The following CCL13 variants were observed in gnomAD, a reference collection of about 807,000 sequenced individuals.
The protein encoded by CCL13 is C-C motif chemokine 13.
A neutral mutation model predicts 6.6 loss-of-function variants in CCL13; 5 were observed. The ratio of observed to expected loss-of-function variants is 0.76; its 90% CI spans 0.40 to 1.60. The LOEUF (loss-of-function observed/expected upper bound fraction) is 1.60. Ranked by LOEUF, CCL13 falls within the 40% of genes most tolerant of loss-of-function variation. CCL13 has a pLI of 0.02. For synonymous variants in CCL13, 39 were observed against 43.0 expected, an observed-to-expected ratio of 0.91 and a Z score of 0.37; for missense variants, 117 against 114.2, an observed-to-expected ratio of 1.02 and a Z score of -0.11.
chr17:34,357,383 G>T (rs1008787699), intron 1 of CCL13, 92 bp from the exon 2 acceptor site: 4 of 811,906 alleles, frequency 4.9e-6, no homozygotes, highest in African/African-American at 1.7e-5. Context: ...CTTCCTCTTT[G>T]CTTTGCATCC....
Position 34,358,121 on chromosome 17 carries a change from T to C in CCL13, c.287T>C (p.Leu96Pro). The change falls in exon 3 of 3, where the codon CTG (leucine) becomes CCG (proline). Residue 96 changes from leucine to proline, a missense_variant. Coordinates refer to ENST00000225844, the MANE Select transcript of CCL13 (RefSeq NM_005408.3). The part of the protein sequence containing the change: ...MKHLGRKAHT[L>P]KT ...CACCTGGGCCGGAAAGCTCACACCC[T>C]GAAGACTTGAACTCTGCTACCCCTA... is the stretch of plus-strand genomic sequence containing the variant. 1 of 1,612,152 alleles carries C rather than the reference T, an allele frequency of 6.2e-7. No homozygotes were observed.
chr17:34,357,305 C>T (rs1910373110), intron 1 of CCL13, among the ~76,000 whole-genome samples, 170 bp from the exon 2 acceptor site: 1 of 152,172 alleles, frequency 6.6e-6, no homozygotes, highest in Non-Finnish European at 1.5e-5. Context: ...AGGCACATGT[C>T]ACAGGTCCCA....
Position 34,358,396 on chromosome 17 carries a change from C to G in CCL13, c.*265C>G. 1 of 427,942 alleles carries G rather than the reference C, an allele frequency of 2.3e-6. No homozygotes were observed. The highest frequency in any genetic ancestry group is 4.2e-6 in the Non-Finnish European group (1 of 237,216). 26.5% of individuals were successfully genotyped at this position (427,942 alleles called of 1,614,324 possible). A position where few individuals can be genotyped will look rare whatever the true frequency, so the allele number is the denominator to read the frequency against. ...GGTTGCTGTCTCTAAGCCCCCTTCC[C>G]TTCCACTATGAGCTGCTGGCAGTGG... is the stretch of plus-strand genomic sequence containing the variant. On this transcript the variant is annotated 3_prime_UTR_variant, in exon 3 of 3. Transcript: ENST00000225844.
In CCL13 at chr17:34,356,736, G is replaced by A. The variant is rs1910359217; in HGVS notation, c.76+134G>A. The A allele has an allele frequency of 3.4e-6, 2 of 589,122 alleles. 1 individual carries two copies. Among genetic ancestry groups the A allele is most frequent in the South Asian group, 4.4e-5 (2 of 45,094 alleles). The allele number at this position is 589,122 out of a possible 1,614,324, so 36.5% of individuals were successfully genotyped here. On this transcript the variant is annotated intron_variant, in intron 1 of 2. Coordinates refer to ENST00000225844, the MANE Select transcript of CCL13 (RefSeq NM_005408.3). Reference sequence around the variant, plus strand: ...GTTGCCCAGGCTGAAGTGCAGGGGTGCGATCTTGGCTCATTGCAACCTTCA... The same window carrying A: ...GTTGCCCAGGCTGAAGTGCAGGGGTACGATCTTGGCTCATTGCAACCTTCA...
In CCL13 at chr17:34,358,282, A is replaced by G. The variant is rs1910408018; in HGVS notation, c.*151A>G. ...GTGATTCAAAATGTACTATGTGTTAAGTAATATTGGCTATTATTTGACTTG... is the reference window on the plus strand; with the variant it reads ...GTGATTCAAAATGTACTATGTGTTAGGTAATATTGGCTATTATTTGACTTG... On this transcript the variant is annotated 3_prime_UTR_variant, in exon 3 of 3. Coordinates refer to ENST00000225844, the MANE Select transcript of CCL13 (RefSeq NM_005408.3). 1 of 652,410 alleles carries G rather than the reference A, an allele frequency of 1.5e-6. No homozygotes were observed. Among genetic ancestry groups the G allele is most frequent in the East Asian group, 2.8e-5 (1 of 35,754 alleles). 40.4% of individuals were successfully genotyped at this position (652,410 alleles called of 1,614,324 possible).
intron 1 of CCL13, 48 bp downstream of exon 1, chr17:34,356,650 A>G (rs921500532): frequency 7.2e-7 from 1 of 1,386,474 alleles, no homozygotes; most frequent in African/African-American, 1.4e-5. Context: ...CTGTTTCTCT[A>G]TTCAAGGAAG....
intron 2 of CCL13, 68 bp downstream of exon 2, chr17:34,357,657 C>T (rs1287900919): frequency 2.1e-6 from 2 of 935,496 alleles, no homozygotes; most frequent in Non-Finnish European, 3.5e-6. Flanking sequence ...AAAGTTCTGC[C>T]CCAGGAGACA....
At chr17:34,357,624 C>T in intron 2 of CCL13, 35 bp downstream of exon 2, 2 of 1,255,158 alleles carry the variant, frequency 1.6e-6, no homozygotes, top group Non-Finnish European at 2.3e-6. Context: ...CTGGCTCCTC[C>T]CCACTCCCAC....
Position 34,358,541 on chromosome 17 carries a change from G to A in CCL13, c.*410G>A, listed in dbSNP as rs929639588. ...GTGAGGTGTTGCTAAATATGTTATT[G>A]TGGAAAGATGAATGCAATAGTAGGA... On this transcript the variant is annotated 3_prime_UTR_variant, in exon 3 of 3. Coordinates refer to ENST00000225844, the MANE Select transcript of CCL13 (RefSeq NM_005408.3). The A allele has an allele frequency of 4.5e-5, 11 of 242,432 alleles. No individual in the cohort carries two copies. The highest frequency in any genetic ancestry group is 7.9e-5 in the Non-Finnish European group (10 of 125,924). The allele number at this position is 242,432 out of a possible 1,614,324, so 15.0% of individuals were successfully genotyped here. A position where few individuals can be genotyped will look rare whatever the true frequency, so the allele number is the denominator to read the frequency against.
rs369147614 is a variant in CCL13 at position 34,357,488 on chromosome 17, C to G, written c.90C>G (p.Val30=). ...QGLAQPDALN[V]PSTCCFTFSS... ...AACTATTTCTAGATGCACTCAACGT[C>G]CCATCTACTTGCTGCTTCACATTTA... Residue 30 remains valine (V), a synonymous_variant, in exon 2 of 3, where the codon GTC becomes GTG. Coordinates refer to ENST00000225844, the MANE Select transcript of CCL13 (RefSeq NM_005408.3). 6 of 1,610,140 alleles carry G rather than the reference C, an allele frequency of 3.7e-6. No individual in the cohort carries two copies. In the African/African-American group the frequency reaches 6.7e-5, roughly 18 times the overall value.
chr17:34,358,335 T>C lies in CCL13; in HGVS notation c.*204T>C, dbSNP rs993955380. 5.3e-6 allele frequency: 3 copies of C among 564,812 alleles called. No individual in the cohort carries two copies. The African/African-American group carries it at 5.7e-5, about 11-fold the overall frequency. 35.0% of individuals were successfully genotyped at this position (564,812 alleles called of 1,614,324 possible). ...GCTGGTTTGGAGTTTATTTGAGTATTGCTGATCTTTTCTAAAGCAAGGCCT... is the reference window on the plus strand; with the variant it reads ...GCTGGTTTGGAGTTTATTTGAGTATCGCTGATCTTTTCTAAAGCAAGGCCT... On this transcript the variant is annotated 3_prime_UTR_variant, in exon 3 of 3. Coordinates refer to ENST00000225844, the MANE Select transcript of CCL13 (RefSeq NM_005408.3).
At chr17:34,357,439 C>T in intron 1 of CCL13, 36 bp from the exon 2 acceptor site, 1 of 1,389,792 alleles carries the variant, frequency 7.2e-7, no homozygotes, top group Non-Finnish European at 1.0e-6. Context: ...AAGCCTAACA[C>T]ATCCTCAAAG....
chr17:34,357,442 C>T (rs762580055), intron 1 of CCL13, 33 bp from the exon 2 acceptor site: 28 of 1,432,414 alleles, frequency 2.0e-5, no homozygotes, highest in Admixed American at 1.0e-4. Flanking sequence ...CCTAACACAT[C>T]CTCAAAGTCT....
In CCL13 at chr17:34,358,006, C is replaced by G. The variant is rs555470907; in HGVS notation, c.192-20C>G. ...CTCAAAGGGTTCCATCTAACTGTGC[C>G]AGATCTCCTTCCTCCACAGCTTCAG... On this transcript the variant is annotated intron_variant, in intron 2 of 2. Coordinates refer to ENST00000225844, the MANE Select transcript of CCL13 (RefSeq NM_005408.3). The G allele has an allele frequency of 1.2e-4, 185 of 1,573,340 alleles. No homozygotes were observed. The highest frequency in any genetic ancestry group is 2.1e-4 in the Middle Eastern group (1 of 4,854).
chr17:34,358,205 T>C lies in CCL13; in HGVS notation c.*74T>C, dbSNP rs948152399. ...TCCATTCTCCTCTGGCCTCCTCTTC[T>C]ATGCTTTGGAATACTTCTACCATAA... On this transcript the variant is annotated 3_prime_UTR_variant, in exon 3 of 3. Transcript: ENST00000225844. 1.1e-5 allele frequency: 11 copies of C among 975,244 alleles called. No individual in the cohort carries two copies. Among genetic ancestry groups the C allele is most frequent in the Non-Finnish European group, 1.8e-5 (11 of 618,616 alleles). 60.4% of individuals were successfully genotyped at this position (975,244 alleles called of 1,614,324 possible).
chr17:34,356,683 A>T, intron 1 of CCL13, 81 bp downstream of exon 1: 2 of 983,386 alleles, frequency 2.0e-6, no homozygotes, highest in Non-Finnish European at 1.6e-6. Context: ...GTGCTCCTCC[A>T]CTTTTTTTTT....
chr17:34,357,418 C>G, intron 1 of CCL13, 57 bp from the exon 2 acceptor site: 1 of 1,160,546 alleles, frequency 8.6e-7, no homozygotes, highest in Non-Finnish European at 1.3e-6. Context: ...CTGCTGTATT[C>G]AAGCTGAGAA....
intron 1 of CCL13, 82 bp downstream of exon 1, chr17:34,356,684 C>T: frequency 2.1e-6 from 2 of 930,818 alleles, no homozygotes; most frequent in Non-Finnish European, 3.4e-6. Context: ...TGCTCCTCCA[C>T]TTTTTTTTTA....
At chr17:34,356,863 A>G (rs1229685753) in intron 1 of CCL13, among the ~76,000 whole-genome samples, 1 of 152,040 alleles carries the variant, frequency 6.6e-6, no homozygotes, top group Non-Finnish European at 1.5e-5. Context: ...TTAGTAGAGA[A>G]GGGGTTTCAC....
Sources: gnomAD v4.1 joint callset for allele counts (sites outside exome capture counted in the v4.1 genomes callset) on GRCh38, gnomAD v4.1.1 for gene constraint, MANE v1.5 for transcripts, NCBI Gene and HGNC (gene_info 2026-07-23, HGNC 2026-07-21) for gene names.